MPPED2: variants seen among roughly 807,000 people sequenced by gnomAD.
MPPED2 encodes the protein metallophosphoesterase domain containing 2, also known as metallophosphoesterase MPPED2.
A neutral mutation model predicts 33.0 loss-of-function variants in MPPED2; 5 were observed. The ratio of observed to expected loss-of-function variants is 0.15; its 90% CI spans 0.08 to 0.32. The LOEUF is 0.32. MPPED2 is among the 10% of genes least tolerant of loss of function. The pLI is 1.00. For missense variants in MPPED2, 275 were observed against 372.1 expected (o/e 0.74, Z 2.15); for synonymous variants, 136 against 141.9 (o/e 0.96, Z 0.29).
intron 4 of MPPED2, among the ~76,000 whole-genome samples, chr11:30,464,827 G>A (rs867228470): frequency 9.2e-5 from 14 of 152,186 alleles, no homozygotes; most frequent in Admixed American, 4.6e-4. Context: ...TAACTAACTC[G>A]TCTTCAAGGA....
intron 4 of MPPED2, chr11:30,429,378 T>A (rs1258369695): frequency 6.6e-6 from 1 of 152,208 alleles, no homozygotes; most frequent in African/African-American, 2.4e-5. Context: ...AGTTAAAGTG[T>A]TAGCCCCCAT....
At chr11:30,467,451 C>A (rs1307342743) in intron 4 of MPPED2, among the ~76,000 whole-genome samples, 1 of 152,092 alleles carries the variant, frequency 6.6e-6, no homozygotes, top group Non-Finnish European at 1.5e-5. Flanking sequence ...ATCCCCAAGC[C>A]CAAGTCAGTG....
intron 3 of MPPED2, among the ~76,000 whole-genome samples, chr11:30,520,042 C>T (rs187828027): frequency 5.8e-4 from 89 of 152,138 alleles, no homozygotes; most frequent in Non-Finnish European, 1.1e-3. Context: ...CTCTTCAAAA[C>T]CAAAAGGAGC....
At chr11:30,399,008 G>A (rs1947873462) in intron 6 of MPPED2, among the ~76,000 whole-genome samples, 1 of 152,072 alleles carries the variant, frequency 6.6e-6, no homozygotes, top group South Asian at 2.1e-4. Context: ...TGCTCCAAAA[G>A]TGACACACAC....
chr11:30,431,083 G>T (rs1949056915), intron 4 of MPPED2, among the ~76,000 whole-genome samples: 1 of 152,200 alleles, frequency 6.6e-6, no homozygotes, highest in South Asian at 2.1e-4. Context: ...CTAAGAAATG[G>T]CTGCGAAAAA....
downstream of MPPED2, among the ~76,000 whole-genome samples, chr11:30,408,265 T>G (rs1948021055): frequency 6.6e-6 from 1 of 152,218 alleles, no homozygotes; most frequent in South Asian, 2.1e-4. Flanking sequence ...GCAGGGTGTT[T>G]CAGCGAGCTG....
intron 3 of MPPED2, among the ~76,000 whole-genome samples, chr11:30,525,293 C>T (rs1954104233): frequency 6.6e-6 from 1 of 152,200 alleles, no homozygotes; most frequent in Non-Finnish European, 1.5e-5. Context: ...GATGAAGTCT[C>T]TTCATGTGCT....
intron 3 of MPPED2, among the ~76,000 whole-genome samples, chr11:30,497,700 C>CCTTTCTTTCTTTCTTTCTTT (rs140393689): frequency 3.8e-4 from 57 of 151,804 alleles, no homozygotes; most frequent in African/African-American, 1.3e-3. Context: ...CTGGGTTTTT[C>CCTTTCTTTCTTTCTTTCTTT]CTTTCTTTCT....
rs569496354 is a variant in MPPED2, at chr11:30,584,833, G to C, written c.-122+1209C>G. On this transcript the variant is annotated intron_variant, in intron 1 of 6. Transcript: ENST00000358117. ...GGAGGGAGCCAGCGAGCGTTGGAAG[G>C]GGGTGTGGAGGCCACGGGATCTCCC... The C allele has an allele frequency of 5.7e-3, 870 of 152,410 alleles. 4 individuals carry two copies. Among genetic ancestry groups the C allele is most frequent in the Non-Finnish European group, 9.8e-3 (664 of 68,082 alleles). The allele number at this position is 152,410 out of a possible 1,614,324, so 9.4% of individuals were successfully genotyped here. A position where few individuals can be genotyped will look rare whatever the true frequency, so the allele number is the denominator to read the frequency against.
At chr11:30,414,550 T>TG (rs938639362) in intron 5 of MPPED2, among the ~76,000 whole-genome samples, 3 of 152,102 alleles carry the variant, frequency 2.0e-5, no homozygotes, top group Non-Finnish European at 4.4e-5. Context: ...GTTTCCATTT[T>TG]TTTTTCTTCC....
chr11:30,468,229 T>TACACACAC (rs1174150864), intron 4 of MPPED2, among the ~76,000 whole-genome samples: 4 of 147,270 alleles, frequency 2.7e-5, no homozygotes, highest in East Asian at 4.1e-4. Context: ...TGGCATACTA[T>TACACACAC]ACACACACAC....
chr11:30,510,734 T>A (rs1180159833), intron 3 of MPPED2, among the ~76,000 whole-genome samples: 2 of 152,202 alleles, frequency 1.3e-5, no homozygotes, highest in African/African-American at 4.8e-5. Context: ...AAAATTGAAT[T>A]ACTTTGGAGC....
At chr11:30,407,346 T>C (rs1948006198), downstream of MPPED2, among the ~76,000 whole-genome samples, 1 of 152,224 alleles carries the variant, frequency 6.6e-6, no homozygotes, top group Admixed American at 6.5e-5. Flanking sequence ...GGTGCCCTTC[T>C]AAGCAACTTG....
chr11:30,546,960 C>T (rs2134588059), intron 2 of MPPED2, among the ~76,000 whole-genome samples: 1 of 152,172 alleles, frequency 6.6e-6, no homozygotes, highest in African/African-American at 2.4e-5. Flanking sequence ...ACAAAACTCA[C>T]ATAGTTCCCA....
intron 4 of MPPED2, among the ~76,000 whole-genome samples, chr11:30,489,333 A>C (rs1951874221): frequency 1.3e-5 from 2 of 152,256 alleles, no homozygotes; most frequent in Admixed American, 1.3e-4. Flanking sequence ...TGATCAGAAC[A>C]AGGGAAATGT....
At chr11:30,454,087 A>G (rs1260330078) in intron 4 of MPPED2, among the ~76,000 whole-genome samples, 1 of 152,186 alleles carries the variant, frequency 6.6e-6, no homozygotes, top group Non-Finnish European at 1.5e-5. Context: ...AGATTCATTT[A>G]AAAGGGAGGG....
At chr11:30,474,620 C>CT (rs1298200641) in intron 4 of MPPED2, among the ~76,000 whole-genome samples, 4 of 152,180 alleles carry the variant, frequency 2.6e-5, no homozygotes, top group Non-Finnish European at 4.4e-5. Context: ...ATGAGAGTCT[C>CT]TTGACTGAAT....
intron 4 of MPPED2, among the ~76,000 whole-genome samples, chr11:30,437,292 T>C (rs1949366451): frequency 1.3e-5 from 2 of 152,224 alleles, no homozygotes; most frequent in African/African-American, 4.8e-5. Flanking sequence ...TAGGTTTTTC[T>C]ATGATTCTAT....
chr11:30,552,285 C>T (rs1020565055), intron 2 of MPPED2, among the ~76,000 whole-genome samples: 4 of 152,170 alleles, frequency 2.6e-5, no homozygotes, highest in East Asian at 1.9e-4. Context: ...CAAATTTCCC[C>T]GATCCACAAA....
Sources: gnomAD v4.1 joint callset for allele counts (sites outside exome capture counted in the v4.1 genomes callset) on GRCh38, gnomAD v4.1.1 for gene constraint, MANE v1.5 for transcripts, NCBI Gene and HGNC (gene_info 2026-07-23, HGNC 2026-07-21) for gene names.